Variants in ANO10 observed in about 807,000 individuals in gnomAD.
ANO10 encodes anoctamin 10.
ANO10 carries 77 observed loss-of-function variants against 74.7 expected under a neutral mutation model. The ratio of observed to expected loss-of-function variants is 1.03; its 90% CI spans 0.86 to 1.25. The LOEUF is 1.25. ANO10 is among the 50% of genes most tolerant of loss of function. The pLI, the probability that ANO10 is intolerant of heterozygous loss-of-function variation, is 0.00. For synonymous variants in ANO10, 279 were observed against 284.9 expected (o/e 0.98, Z 0.21); for missense variants, 721 against 778.1 (o/e 0.93, Z 0.87).
Position 43,570,692 on chromosome 3 carries a change from A to T in ANO10, c.1218+4117T>A, listed in dbSNP as rs1213701790. ...TTATACAAAAATCAATTCAAGATGG[A>T]TTAAAGACTTAAACGTTAGACCTAA... On this transcript the variant is annotated intron_variant, in intron 7 of 12. Coordinates refer to ENST00000292246, the MANE Select transcript of ANO10 (RefSeq NM_018075.5). 6.1e-5 allele frequency among the ~76,000 whole-genome samples: 9 copies of T among 146,794 alleles called. No individual in the cohort carries two copies. In the East Asian group the frequency reaches 1.8e-3, roughly 29 times the overall value.
Position 43,555,364 on chromosome 3 carries a change from T to A in ANO10, c.1582A>T (p.Thr528Ser). Residue 528 changes from threonine to serine, a missense_variant, in exon 10 of 13, where the codon ACT becomes TCT. By Grantham distance (58) the Thr-to-Ser change is moderately conservative (BLOSUM62 1). Transcript: ENST00000292246. Reference protein sequence around the residue: ...AAAFAVLNNFTEVNSDALKMC... With the variant: ...AAAFAVLNNFSEVNSDALKMC... ...TTTAAGGCATCTGAATTTACTTCAG[T>A]GAAGTTATTTAACACAGCAAAGGCA... is the stretch of plus-strand genomic sequence containing the variant. 1 of 1,614,178 alleles carries A rather than the reference T, an allele frequency of 6.2e-7. No homozygotes were observed. Among genetic ancestry groups the A allele is most frequent in the Non-Finnish European group, 8.5e-7 (1 of 1,180,022 alleles).
At position 43,600,384 on chromosome 3, in the gene ANO10, C is replaced by A; in HGVS notation, c.337G>T (p.Asp113Tyr). 3 of 1,613,858 alleles carry A rather than the reference C, an allele frequency of 1.9e-6. No homozygotes were observed. Among genetic ancestry groups the A allele is most frequent in the Non-Finnish European group, 2.5e-6 (3 of 1,179,812 alleles). Residue 113 changes from aspartate to tyrosine, a missense_variant and splice_region_variant, in exon 3 of 13, where the codon GAT becomes TAT. Coordinates refer to ENST00000292246, the MANE Select transcript of ANO10 (RefSeq NM_018075.5). ...RTRQNFKGFDDNNDDFLTMAE... is the reference protein window; with the variant it reads ...RTRQNFKGFDYNNDDFLTMAE... ...CAGAGACAAAGAACTTAGGGCTTACCATCAAAACCTTTGAAGTTCTGTCTG... is the reference window on the plus strand; with the variant it reads ...CAGAGACAAAGAACTTAGGGCTTACAATCAAAACCTTTGAAGTTCTGTCTG...
chr3:43,600,069 T>C (rs961831609), intron 3 of ANO10, among the ~76,000 whole-genome samples: 1 of 152,236 alleles, frequency 6.6e-6, no homozygotes, highest in Non-Finnish European at 1.5e-5. Flanking sequence ...GTAAGTTACA[T>C]GTGTTCCTCT....
At chr3:43,528,439 T>G (rs2078306629) in intron 11 of ANO10, among the ~76,000 whole-genome samples, 1 of 151,120 alleles carries the variant, frequency 6.6e-6, no homozygotes, top group Non-Finnish European at 1.5e-5. Context: ...GTACAAAAAC[T>G]CAGATCAAAA....
intron 11 of ANO10, among the ~76,000 whole-genome samples, chr3:43,449,458 G>A (rs1167958001): frequency 6.8e-6 from 1 of 146,434 alleles, no homozygotes; most frequent in Admixed American, 6.8e-5. Flanking sequence ...TTACATTTAG[G>A]TTTCTGATCC....
intron 11 of ANO10, among the ~76,000 whole-genome samples, chr3:43,491,969 G>T (rs1316140249): frequency 6.6e-6 from 1 of 152,144 alleles, no homozygotes; most frequent in Non-Finnish European, 1.5e-5. Context: ...CTCCCAGAGA[G>T]ATCAAAGCAG....
intron 4 of ANO10, among the ~76,000 whole-genome samples, chr3:43,597,322 T>C (rs1029288427): frequency 3.3e-5 from 5 of 152,226 alleles, no homozygotes; most frequent in Non-Finnish European, 7.3e-5. Flanking sequence ...CGTATGTTTA[T>C]TGTGGCACTA....
chr3:43,596,541 G>A (rs1258876559), intron 4 of ANO10, among the ~76,000 whole-genome samples: 2 of 152,110 alleles, frequency 1.3e-5, no homozygotes, highest in African/African-American at 4.8e-5. Context: ...AAATGGTGCT[G>A]GGAAAACTGG....
intron 1 of ANO10, among the ~76,000 whole-genome samples, chr3:43,688,392 T>C (rs1437103693): frequency 6.6e-6 from 1 of 152,224 alleles, no homozygotes; most frequent in African/African-American, 2.4e-5. Context: ...TACAAGTGTC[T>C]GGCAACACTA....
chr3:43,576,663 A>C, intron 6 of ANO10, 29 bp downstream of exon 6: 2 of 1,608,714 alleles, frequency 1.2e-6, no homozygotes, highest in Non-Finnish European at 1.7e-6. Context: ...CAGGCAAGTA[A>C]GACGTGAATA....
At chr3:43,507,073 T>C (rs2077323409) in intron 11 of ANO10, among the ~76,000 whole-genome samples, 1 of 152,226 alleles carries the variant, frequency 6.6e-6, no homozygotes, top group South Asian at 2.1e-4. Context: ...TCCTACTTAT[T>C]GGAAGATTCT....
chr3:43,565,223 A>G (rs1325657390), intron 8 of ANO10, among the ~76,000 whole-genome samples: 1 of 152,224 alleles, frequency 6.6e-6, no homozygotes, highest in African/African-American at 2.4e-5. Flanking sequence ...AATGTCAGAC[A>G]CTTTAGAAAA....
At chr3:43,622,770 C>T (rs1575567173), upstream of ANO10, among the ~76,000 whole-genome samples, 1 of 152,166 alleles carries the variant, frequency 6.6e-6, no homozygotes, top group East Asian at 1.9e-4. Flanking sequence ...GAGGCCCTTT[C>T]TGACCATCCT....
At chr3:43,580,845 C>T (rs763489636) in intron 4 of ANO10, among the ~76,000 whole-genome samples, 1 of 152,024 alleles carries the variant, frequency 6.6e-6, no homozygotes, top group Non-Finnish European at 1.5e-5. Context: ...ATTTTATACA[C>T]ACTATGTTGT....
intron 11 of ANO10, among the ~76,000 whole-genome samples, chr3:43,443,376 C>G (rs2093189754): frequency 1.3e-5 from 2 of 152,176 alleles, no homozygotes; most frequent in Non-Finnish European, 2.9e-5. Flanking sequence ...AAGTGACCAG[C>G]AGTTAATTGT....
intron 11 of ANO10, among the ~76,000 whole-genome samples, chr3:43,543,305 G>C (rs957373554): frequency 6.6e-6 from 1 of 152,148 alleles, no homozygotes; most frequent in African/African-American, 2.4e-5. Context: ...TGTGAGTCAG[G>C]GCACAAAAGA....
At chr3:43,379,447 A>G (rs147429003) in intron 12 of ANO10, among the ~76,000 whole-genome samples, 3,797 of 152,338 alleles carry the variant, frequency 0.025, 65 homozygotes, top group Non-Finnish European at 0.036. Flanking sequence ...CAGTGTGTGG[A>G]GGCCCACATC....
At chr3:43,399,765 G>C (rs770189257) in intron 12 of ANO10, among the ~76,000 whole-genome samples, 3 of 152,140 alleles carry the variant, frequency 2.0e-5, no homozygotes, top group Non-Finnish European at 4.4e-5. Flanking sequence ...CATCAGAAGA[G>C]CCCCCAGGGC....
At chr3:43,381,419 T>A (rs1055217861) in intron 12 of ANO10, among the ~76,000 whole-genome samples, 1 of 152,148 alleles carries the variant, frequency 6.6e-6, no homozygotes, top group Admixed American at 6.6e-5. Context: ...GAGTAGCCAG[T>A]CTTATATCAG....
Sources: gnomAD v4.1 joint callset for allele counts (sites outside exome capture counted in the v4.1 genomes callset) on GRCh38, gnomAD v4.1.1 for gene constraint, MANE v1.5 for transcripts, NCBI Gene and HGNC (gene_info 2026-07-23, HGNC 2026-07-21) for gene names.